DNAH3: variants seen among roughly 807,000 people sequenced by gnomAD.
DNAH3 encodes the protein axonemal beta dynein heavy chain 3.
In DNAH3, 332 loss-of-function variants were observed where a neutral mutation model predicts 432.5. The observed-to-expected ratio is 0.77, with a 90% confidence interval of 0.70 to 0.84. The LOEUF (loss-of-function observed/expected upper bound fraction) is 0.84, where lower values mean the gene tolerates loss of function less well. DNAH3 is among the 40% of genes least tolerant of loss of function. The pLI is 0.00. For missense variants in DNAH3, 4,861 were observed against 5,114.0 expected (o/e 0.95, Z 1.51); for synonymous variants, 1,956 against 1,900.2 (o/e 1.03, Z -0.76).
intron 14 of DNAH3, among the ~76,000 whole-genome samples, chr16:21,107,304 G>A (rs894239709): frequency 7.2e-6 from 1 of 138,306 alleles, no homozygotes; most frequent in Non-Finnish European, 1.5e-5. Context: ...TTACAGTGGT[G>A]TGATAGCTCA....
At chr16:20,961,512 TAAAAAAATAAAATAAAATA>T (rs2084817444) in intron 53 of DNAH3, among the ~76,000 whole-genome samples, 1 of 147,074 alleles carries the variant, frequency 6.8e-6, no homozygotes. Flanking sequence ...AATAAATGAA[TAAAAAAATAAAATAAAATA>T]AAATAAAATA....
intron 54 of DNAH3, among the ~76,000 whole-genome samples, chr16:20,957,603 G>A (rs1239216157): frequency 6.6e-6 from 1 of 151,652 alleles, no homozygotes; most frequent in Non-Finnish European, 1.5e-5. Context: ...ACCTAAGGTT[G>A]GGAGTTCAAG....
intron 7 of DNAH3, among the ~76,000 whole-genome samples, chr16:21,131,452 AAAGAAAGG>A (rs2092556220): frequency 8.0e-6 from 1 of 125,302 alleles, no homozygotes; most frequent in African/African-American, 3.2e-5. Context: ...AGAAAGAAGG[AAAGAAAGG>A]AAGGAAGGAA....
chr16:21,157,276 G>C (rs1411600784), intron 1 of DNAH3, among the ~76,000 whole-genome samples: 1 of 150,282 alleles, frequency 6.7e-6, no homozygotes, highest in African/African-American at 2.4e-5. Context: ...TAGGTGCTAA[G>C]TTCTCGACAG....
chr16:21,100,405 T>C (rs956400063), intron 16 of DNAH3, among the ~76,000 whole-genome samples: 6 of 152,174 alleles, frequency 3.9e-5, no homozygotes, highest in Admixed American at 3.9e-4. Context: ...ATTTTTGTTT[T>C]GTAATAAGCT....
chr16:21,130,527 A>G (rs2092537869), intron 7 of DNAH3, among the ~76,000 whole-genome samples: 1 of 151,734 alleles, frequency 6.6e-6, no homozygotes, highest in African/African-American at 2.4e-5. Context: ...CTGGTGTCCA[A>G]CTCCTGACCT....
At chr16:21,022,387 T>C (rs932101274) in intron 39 of DNAH3, among the ~76,000 whole-genome samples, 4 of 152,212 alleles carry the variant, frequency 2.6e-5, no homozygotes, top group Admixed American at 1.3e-4. Context: ...AGCTACAGGA[T>C]GCATAAAATG....
intron 5 of DNAH3, among the ~76,000 whole-genome samples, chr16:21,137,277 AAAGT>A (rs1349700973): frequency 6.6e-6 from 1 of 151,716 alleles, no homozygotes; most frequent in African/African-American, 2.4e-5. Context: ...AAAAAAAAAA[AAAGT>A]AAAGGAATGA....
intron 16 of DNAH3, 27 bp from the exon 17 acceptor site, chr16:21,098,796 T>G (rs372065460): frequency 1.3e-6 from 2 of 1,596,124 alleles, no homozygotes; most frequent in Non-Finnish European, 1.7e-6. Flanking sequence ...CCTGGTTACC[T>G]TTGGACTTTG....
chr16:21,062,747 A>G, intron 24 of DNAH3, 64 bp from the exon 25 acceptor site: 1 of 1,375,516 alleles, frequency 7.3e-7, no homozygotes, highest in Non-Finnish European at 1.0e-6. Context: ...TAGCAAGGTG[A>G]TACTTTCTGA....
chr16:21,145,930 A>G, intron 2 of DNAH3, 54 bp downstream of exon 3: 1 of 1,095,324 alleles, frequency 9.1e-7, no homozygotes, highest in Non-Finnish European at 1.4e-6. Context: ...GAAGTGGGGG[A>G]TGCACTTCAC....
intron 44 of DNAH3, among the ~76,000 whole-genome samples, chr16:20,991,518 C>A (rs1026078039): frequency 1.3e-5 from 2 of 152,166 alleles, no homozygotes; most frequent in Non-Finnish European, 2.9e-5. Flanking sequence ...CCCGCCTCGG[C>A]CTCCCAAAGT....
intron 53 of DNAH3, among the ~76,000 whole-genome samples, chr16:20,961,162 C>G (rs939641068): frequency 3.9e-5 from 6 of 152,216 alleles, no homozygotes; most frequent in Non-Finnish European, 7.3e-5. Flanking sequence ...CATATGGTCT[C>G]TGTTACGAAC....
At chr16:21,062,424 C>G in intron 25 of DNAH3, 58 bp downstream of exon 25, 1 of 1,455,914 alleles carries the variant, frequency 6.9e-7, no homozygotes, top group South Asian at 1.2e-5. Context: ...TTAGCCAATA[C>G]GCTCTCTGAT....
chr16:21,004,460 C>T (rs1237394143), intron 41 of DNAH3, among the ~76,000 whole-genome samples: 2 of 152,038 alleles, frequency 1.3e-5, no homozygotes, highest in South Asian at 2.1e-4. Context: ...CTCCGCCTCC[C>T]GAGTTCAAGC....
intron 19 of DNAH3, among the ~76,000 whole-genome samples, chr16:21,086,080 G>C (rs1597347444): frequency 6.6e-6 from 1 of 152,190 alleles, no homozygotes; most frequent in East Asian, 1.9e-4. Context: ...CTGAGAGGGG[G>C]AATTACAGGC....
At chr16:21,106,700 A>G in intron 14 of DNAH3, 26 bp from the exon 15 acceptor site, 1 of 1,397,694 alleles carries the variant, frequency 7.2e-7, no homozygotes, top group Non-Finnish European at 9.6e-7. Context: ...AGCCATTGTT[A>G]TCATCATCAT....
At chr16:21,023,099 G>A (rs2088338136) in intron 39 of DNAH3, among the ~76,000 whole-genome samples, 1 of 152,068 alleles carries the variant, frequency 6.6e-6, no homozygotes, top group African/African-American at 2.4e-5. Flanking sequence ...TTTTTAAGAA[G>A]TAGGAAGGCC....
At position 20,964,752 on chromosome 16, in the gene DNAH3, C is replaced by T. The variant is rs149630157; in HGVS notation, c.9132G>A (p.Thr3044=). 1.1e-4 allele frequency: 183 copies of T among 1,614,156 alleles called. No individual in the cohort carries two copies. In the African/African-American group the frequency reaches 2.0e-3, roughly 18 times the overall value. ...CACGGATTTTTATGGGATCCCCTAA[C>T]GTGTGGCTGAGACTGAAGTCACTGA... Residue 3044 remains threonine, a synonymous_variant, in exon 53 of 62, where the codon ACG becomes ACA. Transcript: ENST00000261383.
Sources: gnomAD v4.1 joint callset for allele counts (sites outside exome capture counted in the v4.1 genomes callset) on GRCh38, gnomAD v4.1.1 for gene constraint, MANE v1.5 for transcripts, NCBI Gene and HGNC (gene_info 2026-07-23, HGNC 2026-07-21) for gene names.